Variants in RPS6KA2 observed in about 807,000 individuals in gnomAD.
RPS6KA2 encodes the protein ribosomal protein S6 kinase alpha-2.
Under a neutral mutation model 91.8 loss-of-function variants are expected in RPS6KA2, and 42 were observed. The observed-to-expected ratio is 0.46, with a 90% confidence interval of 0.36 to 0.59. The LOEUF is 0.59. RPS6KA2 is among the 20% of genes least tolerant of loss of function. RPS6KA2 has a pLI of 0.00. For synonymous variants in RPS6KA2, 414 were observed against 393.6 expected (o/e 1.05, Z -0.61); for missense variants, 798 against 978.5 (o/e 0.82, Z 2.46).
intron 2 of RPS6KA2, among the ~76,000 whole-genome samples, chr6:166,745,063 A>G (rs1583069470): frequency 6.7e-6 from 1 of 149,534 alleles, no homozygotes; most frequent in Admixed American, 6.6e-5. Flanking sequence ...TTCTAGGGGG[A>G]CCTTGCTCTT....
At chr6:166,714,671 A>G (rs562232158) in intron 2 of RPS6KA2, among the ~76,000 whole-genome samples, 2 of 152,186 alleles carry the variant, frequency 1.3e-5, no homozygotes, top group South Asian at 4.1e-4. Flanking sequence ...AACCGCCTGA[A>G]GCACCAGAAG....
intron 1 of RPS6KA2, among the ~76,000 whole-genome samples, chr6:166,555,512 C>T (rs1169924793): frequency 6.6e-6 from 1 of 152,196 alleles, no homozygotes; most frequent in Middle Eastern, 3.2e-3. Context: ...AATCAACAAT[C>T]TCCACGCTGC....
At chr6:166,470,103 G>T (rs540098085) in intron 10 of RPS6KA2, among the ~76,000 whole-genome samples, 198 bp from the exon 11 acceptor site, 1 of 152,356 alleles carries the variant, frequency 6.6e-6, no homozygotes, top group East Asian at 1.9e-4. Context: ...CAGCCCCGAG[G>T]GCTTGTGAGG....
chr6:166,468,730 T>TG (rs1256519380), intron 11 of RPS6KA2, among the ~76,000 whole-genome samples: 5 of 150,294 alleles, frequency 3.3e-5, no homozygotes, highest in South Asian at 2.1e-4. Flanking sequence ...CCGGGCGTGG[T>TG]GGGGGCGCCT....
rs1361309110 is a variant in RPS6KA2 at position 166,433,556 on chromosome 6, A to G, written c.1333-1066T>C. On this transcript the variant is annotated intron_variant, in intron 14 of 20. Transcript: ENST00000265678. This position sits in a 1 kb window ranked among gnomAD's most constrained non-coding sequence, Gnocchi z 4.4. Reference sequence around the variant, plus strand: ...AACATGCAACATGTATTTTGCAAACAACACTCAGAGCAGAAGAAAAGCGAT... The same window carrying G: ...AACATGCAACATGTATTTTGCAAACGACACTCAGAGCAGAAGAAAAGCGAT... 1.3e-5 allele frequency among the ~76,000 whole-genome samples: 2 copies of G among 152,202 alleles called. No individual in the cohort carries two copies. Among genetic ancestry groups the G allele is most frequent in the Non-Finnish European group, 2.9e-5 (2 of 68,032 alleles).
chr6:166,543,644 A>G (rs958322671), intron 1 of RPS6KA2, among the ~76,000 whole-genome samples: 11 of 152,290 alleles, frequency 7.2e-5, no homozygotes, highest in African/African-American at 2.6e-4. Flanking sequence ...CCCTGGGCAC[A>G]GTCCCTGGCC....
At chr6:166,548,808 AT>A (rs1317670004) in intron 1 of RPS6KA2, among the ~76,000 whole-genome samples, 1 of 152,246 alleles carries the variant, frequency 6.6e-6, no homozygotes, top group Non-Finnish European at 1.5e-5. Flanking sequence ...CCAAACCATG[AT>A]TCATCAAAGA....
intron 6 of RPS6KA2, among the ~76,000 whole-genome samples, chr6:166,501,476 G>C (rs985777346): frequency 6.6e-6 from 1 of 152,356 alleles, no homozygotes; most frequent in East Asian, 1.9e-4. Context: ...GGTACATCTT[G>C]TGATGAGACC....
chr6:166,666,587 G>A lies in RPS6KA2; in HGVS notation c.124-127803C>T, dbSNP rs1788322853. ...GATAAGATACCCCCTCTCACCTGTT[G>A]GGATAGCTACATCAAAACAAATAGC... is the stretch of plus-strand genomic sequence containing the variant. On this transcript the variant is annotated intron_variant, in intron 2 of 21. Coordinates refer to the RPS6KA2 transcript ENST00000503859. This position sits in a 1 kb window ranked among gnomAD's most constrained non-coding sequence, Gnocchi z 4.0. Among the ~76,000 whole-genome samples, 2 of 152,296 alleles carry A rather than the reference G, an allele frequency of 1.3e-5. No homozygotes were observed. Among genetic ancestry groups the A allele is most frequent in the East Asian group, 3.9e-4 (2 of 5,190 alleles).
At chr6:166,498,352 G>A (rs776382236) in intron 8 of RPS6KA2, among the ~76,000 whole-genome samples, 156 bp downstream of exon 8, 9 of 152,210 alleles carry the variant, frequency 5.9e-5, no homozygotes, top group Non-Finnish European at 1.0e-4. Context: ...TGGGGAGGAG[G>A]CTGCCAGGAA....
At chr6:166,498,672 A>C (rs1370118875) in intron 7 of RPS6KA2, 22 bp from the exon 8 acceptor site, 1 of 1,612,768 alleles carries the variant, frequency 6.2e-7, no homozygotes. Flanking sequence ...CACAGCACAC[A>C]CACTGCCTCA....
At chr6:166,469,713 C>T in intron 11 of RPS6KA2, 128 bp downstream of exon 11, 1 of 857,446 alleles carries the variant, frequency 1.2e-6, no homozygotes, top group Non-Finnish European at 2.0e-6. Flanking sequence ...CTGCAGGTGG[C>T]TTGTCTACAT....
chr6:166,488,302 G>A (rs910753562), intron 10 of RPS6KA2, among the ~76,000 whole-genome samples: 5 of 151,984 alleles, frequency 3.3e-5, no homozygotes, highest in African/African-American at 1.2e-4. Flanking sequence ...GTCTGAACCG[G>A]AAACACCCTG....
intron 1 of RPS6KA2, among the ~76,000 whole-genome samples, chr6:166,590,734 T>C (rs901548869): frequency 2.0e-5 from 3 of 151,800 alleles, no homozygotes; most frequent in Admixed American, 1.3e-4. Context: ...ACCTTAAACA[T>C]ACACAATAAA....
chr6:166,784,838 C>T lies in RPS6KA2; in HGVS notation c.123+73362G>A, dbSNP rs186697482. On this transcript the variant is annotated intron_variant, in intron 2 of 21. Coordinates refer to the RPS6KA2 transcript ENST00000503859. ...ATCCAGGACAGAGGAAGCATTCTAC[C>T]GAGTAAATTTATGAATAAGTTTGGC... is the stretch of plus-strand genomic sequence containing the variant. Among the ~76,000 whole-genome samples, 260 of 152,256 alleles carry T rather than the reference C, an allele frequency of 1.7e-3. 1 individual carries two copies. Among genetic ancestry groups the T allele is most frequent in the Non-Finnish European group, 2.2e-3 (153 of 68,030 alleles).
intron 1 of RPS6KA2, among the ~76,000 whole-genome samples, chr6:166,555,022 T>G (rs1289152780): frequency 6.6e-6 from 1 of 152,226 alleles, no homozygotes; most frequent in Non-Finnish European, 1.5e-5. Flanking sequence ...AATGTAAAAA[T>G]TGATGATTTC....
At chr6:166,424,804 T>C (rs150768116) in intron 16 of RPS6KA2, among the ~76,000 whole-genome samples, 13 of 152,328 alleles carry the variant, frequency 8.5e-5, no homozygotes, top group African/African-American at 2.9e-4. Context: ...TCTTTACCCG[T>C]TGCAAGTAAC....
intron 2 of RPS6KA2, among the ~76,000 whole-genome samples, chr6:166,828,618 A>G (rs1156240095): frequency 6.6e-6 from 1 of 152,240 alleles, no homozygotes; most frequent in Non-Finnish European, 1.5e-5. Flanking sequence ...TGAAAACTGG[A>G]TATCAAGATG....
intron 2 of RPS6KA2, among the ~76,000 whole-genome samples, chr6:166,730,714 A>G (rs1790485771): frequency 6.6e-6 from 1 of 152,262 alleles, no homozygotes; most frequent in South Asian, 2.1e-4. Flanking sequence ...AAATATAGGT[A>G]CAAAAAGAGA....
Sources: allele counts gnomAD v4.1 joint callset (sites outside exome capture counted in the v4.1 genomes callset), GRCh38; gene constraint gnomAD v4.1.1; non-coding constraint Gnocchi (gnomAD v3.1); transcripts MANE v1.5; gene names NCBI Gene and HGNC (gene_info 2026-07-23, HGNC 2026-07-21).